The following WWOX variants were observed in gnomAD, a reference collection of about 807,000 sequenced individuals.
The protein encoded by WWOX is WW domain-containing oxidoreductase.
In WWOX, 69 loss-of-function variants were observed where a neutral mutation model predicts 46.2. That is an observed-to-expected ratio of 1.49 (90% confidence interval 1.23 to 1.82). WWOX has a LOEUF of 1.82. Among genes scored for constraint, WWOX ranks in the 40% most tolerant of loss-of-function variants. The probability of loss-of-function intolerance (pLI) is 0.00; values close to 1 mark genes in which losing one functional copy is unlikely to be tolerated. For synonymous variants in WWOX, 359 were observed against 202.6 expected (o/e 1.77, Z -6.56); for missense variants, 919 against 542.6 (o/e 1.69, Z -6.89).
At chr16:79,104,809 T>G (rs1422808653) in intron 8 of WWOX, among the ~76,000 whole-genome samples, 1 of 152,064 alleles carries the variant, frequency 6.6e-6, no homozygotes, top group Non-Finnish European at 1.5e-5. Context: ...TTAAGAGATT[T>G]CAGGACGTTG....
intron 7 of WWOX, among the ~76,000 whole-genome samples, chr16:78,430,730 T>G (rs534150559): frequency 6.6e-6 from 1 of 152,186 alleles, no homozygotes; most frequent in South Asian, 2.1e-4. Context: ...TCTGTATCCT[T>G]GATGACGTTT....
intron 8 of WWOX, among the ~76,000 whole-genome samples, chr16:79,209,538 G>A (rs75737099): frequency 0.11 from 17,235 of 152,174 alleles, 1,360 homozygotes; most frequent in African/African-American, 0.22. Context: ...ACTTGAAATG[G>A]GTGAGCTGGA....
rs529317459 is a variant in WWOX at position 78,640,510 on chromosome 16, G to C, written c.1056+207758G>C. Among the ~76,000 whole-genome samples the C allele has an allele frequency of 2.5e-3, 378 of 152,182 alleles. 1 individual carries two copies. Among genetic ancestry groups the C allele is most frequent in the African/African-American group, 8.9e-3 (368 of 41,536 alleles). On this transcript the variant is annotated intron_variant, in intron 8 of 8. Coordinates refer to ENST00000566780, the MANE Select transcript of WWOX (RefSeq NM_016373.4). ...CCTGTACTGCATGAAGCAGGGGTTT[G>C]CATCCGAAACAACCACCCGTGCTGA...
At chr16:78,719,254 A>G (rs1233912273) in intron 8 of WWOX, among the ~76,000 whole-genome samples, 2 of 152,168 alleles carry the variant, frequency 1.3e-5, no homozygotes, top group Non-Finnish European at 2.9e-5. Context: ...ACGAACTTCC[A>G]CACAAAACGG....
intron 8 of WWOX, among the ~76,000 whole-genome samples, chr16:78,750,960 C>G (rs996858067): frequency 6.6e-6 from 1 of 152,092 alleles, no homozygotes; most frequent in Non-Finnish European, 1.5e-5. Context: ...AACGTGAGTG[C>G]AGGTGTCTTT....
chr16:78,765,984 T>G (rs578039091), intron 8 of WWOX, among the ~76,000 whole-genome samples: 1 of 152,078 alleles, frequency 6.6e-6, no homozygotes, highest in African/African-American at 2.4e-5. Context: ...TATGACTAGA[T>G]CCAGGAAATA....
rs567788940 is a variant in WWOX, at chr16:78,657,589, C to G, written c.1056+224837C>G. 7.2e-5 allele frequency among the ~76,000 whole-genome samples: 11 copies of G among 152,158 alleles called. No homozygotes were observed. The South Asian group carries it at 1.5e-3, about 20-fold the overall frequency. On this transcript the variant is annotated intron_variant, in intron 8 of 8. Transcript: ENST00000566780. ...CTGGCCGGGACTGAAGCCAGAGGCC[C>G]ACAGCCTACTGGACCTTTGTTTCTT...
chr16:78,407,394 T>G (rs2082573062), intron 6 of WWOX, among the ~76,000 whole-genome samples: 1 of 152,212 alleles, frequency 6.6e-6, no homozygotes, highest in East Asian at 1.9e-4. Flanking sequence ...GCTCATTCCT[T>G]TGCTGTGTCT....
chr16:78,377,085 A>C (rs1381011965), intron 5 of WWOX, among the ~76,000 whole-genome samples: 1 of 152,234 alleles, frequency 6.6e-6, no homozygotes, highest in Non-Finnish European at 1.5e-5. Context: ...GACTTCCCCG[A>C]AGTGGGAAGT....
chr16:78,683,993 G>A (rs1183562378), intron 8 of WWOX, among the ~76,000 whole-genome samples: 2 of 152,166 alleles, frequency 1.3e-5, no homozygotes, highest in African/African-American at 4.8e-5. Context: ...CAACTGTGGC[G>A]TTCTCTTTTT....
intron 8 of WWOX, among the ~76,000 whole-genome samples, chr16:78,773,188 A>C (rs1350983428): frequency 6.6e-6 from 1 of 152,200 alleles, no homozygotes; most frequent in African/African-American, 2.4e-5. Flanking sequence ...ACAGTGCCTA[A>C]ACATTTGTTG....
chr16:78,812,432 A>G (rs1161751258), intron 8 of WWOX, among the ~76,000 whole-genome samples: 1 of 152,076 alleles, frequency 6.6e-6, no homozygotes, highest in Non-Finnish European at 1.5e-5. Context: ...AAAAACAGAA[A>G]CATATCTGAC....
intron 8 of WWOX, among the ~76,000 whole-genome samples, chr16:78,992,602 A>G (rs11864328): frequency 0.14 from 21,424 of 152,158 alleles, 1,569 homozygotes; most frequent in East Asian, 0.2. Context: ...GAAAGGTTTG[A>G]TTCGTACCAG....
chr16:78,834,226 G>C (rs1342962255), intron 8 of WWOX, among the ~76,000 whole-genome samples: 1 of 152,184 alleles, frequency 6.6e-6, no homozygotes, highest in Non-Finnish European at 1.5e-5. Context: ...CAGGGCCCGT[G>C]TGTTCTGATA....
chr16:78,578,583 T>TC, intron 8 of WWOX, among the ~76,000 whole-genome samples: 1 of 151,482 alleles, frequency 6.6e-6, no homozygotes, highest in South Asian at 2.1e-4. Flanking sequence ...CCACCGCGGC[T>TC]GGCGAAAATT....
At chr16:79,102,716 A>C (rs1023076706) in intron 8 of WWOX, among the ~76,000 whole-genome samples, 2 of 152,208 alleles carry the variant, frequency 1.3e-5, no homozygotes, top group Non-Finnish European at 2.9e-5. Flanking sequence ...CACAATCCTA[A>C]TATCTCGGAG....
At position 78,418,342 on chromosome 16, in the gene WWOX, C is replaced by A. The variant is rs1206792864; in HGVS notation, c.606-6528C>A. Among the ~76,000 whole-genome samples, 4 of 149,998 alleles carry A rather than the reference C, an allele frequency of 2.7e-5. No individual in the cohort carries two copies. The Admixed American group carries it at 2.7e-4, about 10-fold the overall frequency. On this transcript the variant is annotated intron_variant, in intron 6 of 8. Coordinates refer to ENST00000566780, the MANE Select transcript of WWOX (RefSeq NM_016373.4). ...TTGCACCACTGCACTCCAGCCTGGG[C>A]AGGAGACAGAGTAAGACTCCATCTC...
intron 8 of WWOX, among the ~76,000 whole-genome samples, chr16:78,804,700 A>C (rs942950653): frequency 1.3e-5 from 2 of 152,078 alleles, no homozygotes; most frequent in African/African-American, 4.8e-5. Context: ...TTTTTTTCTA[A>C]TTTAGTGCTT....
intron 5 of WWOX, among the ~76,000 whole-genome samples, chr16:78,306,291 A>T (rs1230821238): frequency 6.6e-6 from 1 of 152,170 alleles, no homozygotes; most frequent in Non-Finnish European, 1.5e-5. Flanking sequence ...ATTACAGTAT[A>T]CGATTCTAGA....
Sources: gnomAD v4.1 joint callset for allele counts (sites outside exome capture counted in the v4.1 genomes callset) on GRCh38, gnomAD v4.1.1 for gene constraint, MANE v1.5 for transcripts, NCBI Gene and HGNC (gene_info 2026-07-23, HGNC 2026-07-21) for gene names.